FOXP2: variants seen among roughly 807,000 people sequenced by gnomAD.
FOXP2 encodes forkhead box protein P2.
In FOXP2, 12 loss-of-function variants were observed where a neutral mutation model predicts 115.8. The ratio of observed to expected loss-of-function variants is 0.10; its 90% CI spans 0.07 to 0.17. FOXP2 has a LOEUF of 0.17. FOXP2 is among the 10% of genes least tolerant of loss of function. The pLI is 1.00. For synonymous variants in FOXP2, 328 were observed against 297.7 expected (o/e 1.10, Z -1.05); for missense variants, 629 against 843.5 (o/e 0.75, Z 3.15).
At chr7:114,468,251 T>G (rs17137045) in intron 2 of FOXP2, among the ~76,000 whole-genome samples, 3,649 of 152,216 alleles carry the variant, frequency 0.024, 107 homozygotes, top group African/African-American at 0.07. Flanking sequence ...ATTTTTGATT[T>G]CTCAGTTACT....
chr7:114,476,632 G>T (rs907689641), intron 2 of FOXP2, among the ~76,000 whole-genome samples: 1 of 151,732 alleles, frequency 6.6e-6, no homozygotes, highest in African/African-American at 2.4e-5. Flanking sequence ...ATGAATTTTA[G>T]AATTTTTTTT....
chr7:114,484,686 C>A (rs1234265284), intron 2 of FOXP2, among the ~76,000 whole-genome samples: 1 of 151,798 alleles, frequency 6.6e-6, no homozygotes, highest in Non-Finnish European at 1.5e-5. Context: ...GAAATCATAT[C>A]CTGAATTGCA....
At chr7:114,244,102 C>T (rs1795220166) in intron 1 of FOXP2, among the ~76,000 whole-genome samples, 1 of 152,120 alleles carries the variant, frequency 6.6e-6, no homozygotes, top group Admixed American at 6.5e-5. Flanking sequence ...AGCATTTTCA[C>T]TGTATTCTAA....
chr7:114,624,613 T>C (rs938816806), intron 3 of FOXP2, among the ~76,000 whole-genome samples: 16 of 151,850 alleles, frequency 1.1e-4, no homozygotes, highest in Non-Finnish European at 2.2e-4. Context: ...ACTGTGCTTA[T>C]GTAAAACAAA....
chr7:114,480,572 AATATATGTAT>A (rs1183929706), intron 2 of FOXP2, among the ~76,000 whole-genome samples: 1 of 150,220 alleles, frequency 6.7e-6, no homozygotes, highest in Admixed American at 6.7e-5. Flanking sequence ...TATACATGTA[AATATATGTAT>A]ATATACATAT....
chr7:114,435,331 A>C (rs1267206948), intron 2 of FOXP2, among the ~76,000 whole-genome samples: 2 of 152,162 alleles, frequency 1.3e-5, no homozygotes, highest in Non-Finnish European at 2.9e-5. Flanking sequence ...ATCAATCGGC[A>C]GAAAAAGGGT....
intron 15 of FOXP2, 145 bp from the exon 16 acceptor site, chr7:114,664,128 T>C: frequency 1.1e-6 from 1 of 896,416 alleles, no homozygotes; most frequent in Non-Finnish European, 1.7e-6. Flanking sequence ...AGTAGCCAGT[T>C]AGGAATTTTT....
intron 16 of FOXP2, chr7:114,669,356 A>G (rs764073219): frequency 2.0e-5 from 3 of 152,050 alleles, no homozygotes; most frequent in South Asian, 2.1e-4. Context: ...TGACTCAACT[A>G]CTTATTGATT....
At chr7:114,443,892 T>C (rs1472796473) in intron 2 of FOXP2, among the ~76,000 whole-genome samples, 1 of 152,194 alleles carries the variant, frequency 6.6e-6, no homozygotes, top group Non-Finnish European at 1.5e-5. Context: ...TATGCATGCA[T>C]GTTTCTTTAT....
intron 2 of FOXP2, among the ~76,000 whole-genome samples, chr7:114,384,150 C>T (rs939461574): frequency 1.3e-5 from 2 of 152,062 alleles, no homozygotes; most frequent in Admixed American, 6.6e-5. Flanking sequence ...ACCTGTTTTC[C>T]TGCCTTTCTT....
intron 2 of FOXP2, among the ~76,000 whole-genome samples, chr7:114,512,743 G>A (rs1798136208): frequency 6.6e-6 from 1 of 152,040 alleles, no homozygotes; most frequent in African/African-American, 2.4e-5. Flanking sequence ...AGTATAGTGA[G>A]GAAAATGAAA....
At chr7:114,230,975 T>TACACAC (rs3086371) in intron 1 of FOXP2, among the ~76,000 whole-genome samples, 14 of 147,134 alleles carry the variant, frequency 9.5e-5, no homozygotes, top group African/African-American at 7.4e-5. Context: ...CCCTAAAGAT[T>TACACAC]ACACACACAC....
intron 3 of FOXP2, among the ~76,000 whole-genome samples, chr7:114,617,806 A>G (rs1054946325): frequency 6.6e-6 from 1 of 152,238 alleles, no homozygotes; most frequent in Non-Finnish European, 1.5e-5. Flanking sequence ...AGGGAAAAGT[A>G]AAAACAAGAA....
intron 1 of FOXP2, among the ~76,000 whole-genome samples, chr7:114,170,181 G>A (rs998441209): frequency 2.0e-4 from 30 of 152,090 alleles, no homozygotes; most frequent in Non-Finnish European, 2.6e-4. Context: ...AGCTGTGATC[G>A]GTAATCATTG....
At chr7:114,199,345 T>C (rs1035884913) in intron 1 of FOXP2, among the ~76,000 whole-genome samples, 3 of 152,190 alleles carry the variant, frequency 2.0e-5, no homozygotes, top group South Asian at 2.1e-4. Flanking sequence ...ATGTATTTTG[T>C]AACCTTTCTA....
chr7:114,499,005 G>A, intron 2 of FOXP2: 2 of 712,038 alleles, frequency 2.8e-6, no homozygotes, highest in Non-Finnish European at 5.2e-6. Context: ...GCATCACCGG[G>A]AACTTGTTAG....
At chr7:114,667,249 C>T (rs1807213062) in intron 16 of FOXP2, 1 of 152,088 alleles carries the variant, frequency 6.6e-6, no homozygotes. Flanking sequence ...CATAGTGAGA[C>T]CCTGTATCTA....
At chr7:114,207,456 G>A (rs903778473) in intron 1 of FOXP2, among the ~76,000 whole-genome samples, 25 of 152,096 alleles carry the variant, frequency 1.6e-4, no homozygotes, top group African/African-American at 6.0e-4. Context: ...ATTTCATTAT[G>A]CTTTTTATTT....
chr7:114,335,479 C>T (rs1370852199), intron 2 of FOXP2, among the ~76,000 whole-genome samples: 3 of 151,644 alleles, frequency 2.0e-5, no homozygotes, highest in African/African-American at 4.8e-5. Flanking sequence ...GCTTTACAAA[C>T]TATTTTTTAA....
Sources: gnomAD v4.1 joint callset for allele counts (sites outside exome capture counted in the v4.1 genomes callset) on GRCh38, gnomAD v4.1.1 for gene constraint, MANE v1.5 for transcripts, NCBI Gene and HGNC (gene_info 2026-07-23, HGNC 2026-07-21) for gene names.